Variants in LRRC53 observed in about 807,000 individuals in gnomAD.
LRRC53 encodes leucine-rich repeat-containing protein 53.
LRRC53 carries 25 observed loss-of-function variants against 13.6 expected under a neutral mutation model. The ratio of observed to expected loss-of-function variants is 1.83; its 90% CI spans 1.34 to 2.56. The LOEUF is 2.56. Among genes scored for constraint, LRRC53 ranks in the 30% most tolerant of loss-of-function variants. The pLI, the probability that LRRC53 is intolerant of heterozygous loss-of-function variation, is 0.00. For synonymous variants in LRRC53, 204 were observed against 109.8 expected (o/e 1.86, Z -5.37); for missense variants, 527 against 275.8 (o/e 1.91, Z -6.45).
At chr1:74,500,869 C>T (rs1238358394) in intron 1 of LRRC53, among the ~76,000 whole-genome samples, 1 of 151,804 alleles carries the variant, frequency 6.6e-6, no homozygotes, top group African/African-American at 2.4e-5. Flanking sequence ...TGTTTTTAAT[C>T]TGCCTTTTAA....
rs747390091 is a variant in LRRC53 at position 74,480,201 on chromosome 1, G to C, written c.856C>G (p.Leu286Val). The C allele has an allele frequency of 1.4e-6, 1 of 717,494 alleles. No individual in the cohort carries two copies. The highest frequency in any genetic ancestry group is 1.5e-5 in the South Asian group (1 of 67,602). The allele number at this position is 717,494 out of a possible 1,614,324, so 44.4% of individuals were successfully genotyped here. The change falls in exon 3 of 5, where the codon CTC becomes GTC. Residue 286 changes from leucine to valine, a missense_variant. Transcript: ENST00000294635. ...FTLVLKDRSP[L>V]LPGPDVALLT... is the part of the protein sequence containing the mutation. ...AGGGCCACATCTGGTCCTGGGAGGA[G>C]GGGACTTCTGTCCTTTAGAACCAGA... is the stretch of plus-strand genomic sequence containing the variant.
At chr1:74,518,502 C>T in the LRRC53 span, among the ~76,000 whole-genome samples, 3 of 152,088 alleles carry the variant, frequency 2.0e-5, no homozygotes, top group Non-Finnish European at 4.4e-5. Flanking sequence ...ATTCTCCCAC[C>T]TCAATATGCC....
chr1:74,498,434 A>G (rs1466733587), intron 1 of LRRC53, among the ~76,000 whole-genome samples: 2 of 152,176 alleles, frequency 1.3e-5, no homozygotes, highest in South Asian at 4.1e-4. Flanking sequence ...CTTATTCCCT[A>G]TTAGATCATA....
the LRRC53 span, among the ~76,000 whole-genome samples, chr1:74,526,294 GA>G: frequency 7.6e-3 from 1,151 of 152,192 alleles, 17 homozygotes; most frequent in African/African-American, 0.025. Context: ...TCCAAAAGGG[GA>G]AAAGAATATG....
At chr1:74,497,408 C>T (rs542652345) in intron 1 of LRRC53, among the ~76,000 whole-genome samples, 1 of 151,986 alleles carries the variant, frequency 6.6e-6, no homozygotes, top group African/African-American at 2.4e-5. Context: ...TCTTTCTATC[C>T]TCTCTCCATC....
the LRRC53 span, among the ~76,000 whole-genome samples, chr1:74,533,504 T>C: frequency 0.033 from 4,993 of 151,766 alleles, 176 homozygotes; most frequent in African/African-American, 0.12. Flanking sequence ...GTCAGTGTGG[T>C]GATTCCTCAG....
the LRRC53 span, among the ~76,000 whole-genome samples, chr1:74,528,519 T>C: frequency 6.6e-6 from 1 of 152,012 alleles, no homozygotes; most frequent in African/African-American, 2.4e-5. Context: ...ACAACAGCAA[T>C]GGGAGATTTG....
At chr1:74,490,151 T>G (rs1668990069) in intron 1 of LRRC53, among the ~76,000 whole-genome samples, 1 of 151,770 alleles carries the variant, frequency 6.6e-6, no homozygotes, top group Admixed American at 6.6e-5. Context: ...TGGCTCTGTC[T>G]CATGACTCTT....
chr1:74,524,444 G>T, the LRRC53 span, among the ~76,000 whole-genome samples: 1 of 152,074 alleles, frequency 6.6e-6, no homozygotes, highest in Admixed American at 6.6e-5. Context: ...GAGTATGTAG[G>T]GCCAACTGGT....
rs1669454213 is a variant in LRRC53, at chr1:74,498,590, AG to A, written c.-27+13935del. On this transcript the variant is annotated intron_variant, in intron 1 of 4. Coordinates refer to ENST00000294635, the MANE Select transcript of LRRC53 (RefSeq NM_001382280.1). ...AATTATTAGTTAGGCTGTAAATACC[AG>A]GCTTTGTATTTCTGCAATTTAAGTG... is the stretch of plus-strand genomic sequence containing the variant. Among the ~76,000 whole-genome samples the A allele has an allele frequency of 7.2e-5, 11 of 152,310 alleles. No individual in the cohort carries two copies. In the South Asian group the frequency reaches 2.3e-3, roughly 32 times the overall value.
At chr1:74,485,821 C>T (rs1668729371) in intron 1 of LRRC53, among the ~76,000 whole-genome samples, 1 of 152,130 alleles carries the variant, frequency 6.6e-6, no homozygotes, top group Non-Finnish European at 1.5e-5. Flanking sequence ...AGAGTCATTT[C>T]TGGGCAACAG....
chr1:74,534,001 G>T, the LRRC53 span, among the ~76,000 whole-genome samples: 1 of 152,154 alleles, frequency 6.6e-6, no homozygotes, highest in Non-Finnish European at 1.5e-5. Flanking sequence ...CGAACTTTCT[G>T]AGCCTGACTT....
intron 1 of LRRC53, among the ~76,000 whole-genome samples, chr1:74,503,503 C>A (rs1013528316): frequency 2.6e-5 from 4 of 152,134 alleles, no homozygotes; most frequent in Non-Finnish European, 5.9e-5. Context: ...CTCAGTGACA[C>A]TGTTGACTTA....
At position 74,472,973 on chromosome 1, in the gene LRRC53, G is replaced by A. The variant is rs531174659; in HGVS notation, c.1421-772C>T. ...ACATGATGAACCATTCAGAAAGGAA[G>A]CTTCCTTTGACTGTTTGGGGACAGA... On this transcript the variant is annotated intron_variant, in intron 4 of 4. Coordinates refer to ENST00000294635, the MANE Select transcript of LRRC53 (RefSeq NM_001382280.1). 1.4e-4 allele frequency among the ~76,000 whole-genome samples: 21 copies of A among 152,190 alleles called. No homozygotes were observed. The South Asian group carries it at 4.4e-3, about 32-fold the overall frequency.
rs72969892 is a variant in LRRC53, at chr1:74,481,022, G to T, written c.89-54C>A. The T allele has an allele frequency of 4.8e-5, 31 of 651,600 alleles. No individual in the cohort carries two copies. In the African/African-American group the frequency reaches 5.4e-4, roughly 11 times the overall value. 40.4% of individuals were successfully genotyped at this position (651,600 alleles called of 1,614,324 possible). A position where few individuals can be genotyped will look rare whatever the true frequency, so the allele number is the denominator to read the frequency against. ...CAGGGTACACATGAGTGGGAGGGAG[G>T]GGGTATGGTGGAGAGCAGAGAATCA... On this transcript the variant is annotated intron_variant, in intron 2 of 4. Coordinates refer to ENST00000294635, the MANE Select transcript of LRRC53 (RefSeq NM_001382280.1).
At chr1:74,533,432 G>A in the LRRC53 span, among the ~76,000 whole-genome samples, 2 of 152,162 alleles carry the variant, frequency 1.3e-5, no homozygotes, top group Non-Finnish European at 2.9e-5. Flanking sequence ...GAGAGGATGT[G>A]GAGAAATAGG....
At chr1:74,486,463 A>G (rs552576575) in intron 1 of LRRC53, among the ~76,000 whole-genome samples, 3 of 151,356 alleles carry the variant, frequency 2.0e-5, no homozygotes, top group Admixed American at 2.0e-4. Context: ...ATGATAGAGT[A>G]GTCAAACATC....
intron 1 of LRRC53, among the ~76,000 whole-genome samples, chr1:74,484,606 G>A (rs984145357): frequency 2.0e-5 from 3 of 152,112 alleles, no homozygotes; most frequent in Admixed American, 2.0e-4. Flanking sequence ...CAATAAGCTG[G>A]AGAAGGTGAA....
intron 3 of LRRC53, among the ~76,000 whole-genome samples, chr1:74,479,456 A>T (rs941558921): frequency 6.6e-6 from 1 of 152,228 alleles, no homozygotes; most frequent in African/African-American, 2.4e-5. Context: ...AGTTGGACAA[A>T]CAGAAATCTT....
Sources: gnomAD v4.1 joint callset for allele counts (sites outside exome capture counted in the v4.1 genomes callset) on GRCh38, gnomAD v4.1.1 for gene constraint, MANE v1.5 for transcripts, NCBI Gene and HGNC (gene_info 2026-07-23, HGNC 2026-07-21) for gene names.